SLC19A1: variants seen among roughly 807,000 people sequenced by gnomAD.
The protein encoded by SLC19A1 is reduced folate transporter.
Under a neutral mutation model 35.3 loss-of-function variants are expected in SLC19A1, and 37 were observed. The ratio of observed to expected loss-of-function variants is 1.05; its 90% CI spans 0.81 to 1.38. The LOEUF (loss-of-function observed/expected upper bound fraction) is 1.38, where lower values mean the gene tolerates loss of function less well. Ranked by LOEUF, SLC19A1 falls within the 40% of genes most tolerant of loss-of-function variation. SLC19A1 has a pLI of 0.00. For synonymous variants in SLC19A1, 460 were observed against 398.5 expected (o/e 1.15, Z -1.84); for missense variants, 831 against 826.9 (o/e 1.00, Z -0.06).
At chr21:45,555,699 A>G (rs2078554111) in intron 1 of SLC19A1, among the ~76,000 whole-genome samples, 1 of 151,788 alleles carries the variant, frequency 6.6e-6, no homozygotes. Context: ...AGGCCCTGGG[A>G]CCGTAGCCTC....
chr21:45,535,523 C>T (rs960731772), intron 2 of SLC19A1, among the ~76,000 whole-genome samples: 1 of 152,228 alleles, frequency 6.6e-6, no homozygotes, highest in Admixed American at 6.5e-5. Context: ...AAGGAAACCA[C>T]GCTCCTCACA....
rs918953812 is a variant in SLC19A1, at chr21:45,517,605, A to G, written c.1294-1465T>C. ...GCCTCACGGAGTCAGCAGAGACCAT[A>G]TGGGGAGCCTGGCCTCTTATCCTCA... On this transcript the variant is annotated intron_variant, in intron 5 of 5. Transcript: ENST00000311124. The surrounding 1 kb of genome is among the most constrained non-coding windows in gnomAD (Gnocchi z 4.4). Among the ~76,000 whole-genome samples, 24 of 151,974 alleles carry G rather than the reference A, an allele frequency of 1.6e-4. No individual in the cohort carries two copies. The highest frequency in any genetic ancestry group is 5.6e-4 in the African/African-American group (23 of 41,412).
At chr21:45,549,025 C>T (rs577505587), upstream of SLC19A1, among the ~76,000 whole-genome samples, 11 of 152,296 alleles carry the variant, frequency 7.2e-5, no homozygotes, top group South Asian at 2.3e-3. Context: ...ACCACAGTTC[C>T]ACTCCTAGGC....
intron 3 of SLC19A1, chr21:45,506,281 C>T (rs2037198340): frequency 5.0e-6 from 2 of 396,482 alleles, no homozygotes; most frequent in South Asian, 4.3e-5. Context: ...GACAAGGCGC[C>T]TGACGGGACG....
In SLC19A1 at chr21:45,513,013, G is replaced by A. The variant is rs2037700061; in HGVS notation, c.*2645C>T. 1 of 161,108 alleles carries A rather than the reference G, an allele frequency of 6.2e-6. No homozygotes were observed. Among genetic ancestry groups the A allele is most frequent in the Non-Finnish European group, 1.4e-5 (1 of 72,942 alleles). 10.0% of individuals were successfully genotyped at this position (161,108 alleles called of 1,614,324 possible). On this transcript the variant is annotated 3_prime_UTR_variant, in exon 6 of 6. Transcript: ENST00000311124. ...GCTGAAGCAGGTTCCCAAGCTCAGA[G>A]GCGCACTGTGACCCCCAGCTCCGGC...
At chr21:45,511,030 ATCCACAC>A, downstream of SLC19A1, 1 of 281,744 alleles carries the variant, frequency 3.5e-6, no homozygotes, top group Non-Finnish European at 6.9e-6. Flanking sequence ...CACACCCCAC[ATCCACAC>A]ACCCCCCCAC....
chr21:45,552,830 C>T lies in SLC19A1; in HGVS notation c.-50+9912G>A, dbSNP rs527828374. On this transcript the variant is annotated intron_variant, in intron 1 of 5. Coordinates refer to the SLC19A1 transcript ENST00000650808. ...GGTCCGCCCGTCCACCCTGTCCCTG[C>T]GTTTGTGCTGATAGGAGGACACTGC... Among the ~76,000 whole-genome samples the T allele has an allele frequency of 1.2e-3, 188 of 151,870 alleles. 1 individual carries two copies. Among genetic ancestry groups the T allele is most frequent in the Admixed American group, 2.2e-3 (34 of 15,250 alleles).
intron 3 of SLC19A1, chr21:45,504,135 A>G: frequency 6.7e-7 from 1 of 1,499,722 alleles, no homozygotes; most frequent in Non-Finnish European, 9.3e-7. Context: ...TTCTCGCCCC[A>G]TCCGGCCCAA....
intron 1 of SLC19A1, among the ~76,000 whole-genome samples, chr21:45,560,913 G>T (rs991575123): frequency 6.6e-6 from 1 of 152,336 alleles, no homozygotes; most frequent in South Asian, 2.1e-4. Context: ...CACGGCTGGC[G>T]GAGGGAATGC....
chr21:45,525,103 T>C (rs1473442264), intron 5 of SLC19A1, among the ~76,000 whole-genome samples: 3 of 152,016 alleles, frequency 2.0e-5, no homozygotes, highest in Non-Finnish European at 4.4e-5. Flanking sequence ...AGCTCTGGAG[T>C]CACTGAAGCT....
At chr21:45,543,262 C>G (rs1171415719), upstream of SLC19A1, among the ~76,000 whole-genome samples, 1 of 152,128 alleles carries the variant, frequency 6.6e-6, no homozygotes, top group Non-Finnish European at 1.5e-5. Flanking sequence ...GTGCAGGACA[C>G]GGGGAGAAGT....
At chr21:45,505,262 T>G (rs778364546) in intron 3 of SLC19A1, 1 of 1,607,738 alleles carries the variant, frequency 6.2e-7, no homozygotes, top group Non-Finnish European at 8.5e-7. Context: ...CTTCATTTCC[T>G]GGCCCTCACA....
chr21:45,559,425 T>G (rs1345893166), intron 1 of SLC19A1, among the ~76,000 whole-genome samples: 2 of 152,170 alleles, frequency 1.3e-5, no homozygotes, highest in African/African-American at 2.4e-5. Flanking sequence ...GAGTCCCCCA[T>G]GGGGACCAGC....
At chr21:45,532,984 G>A (rs899231040) in intron 2 of SLC19A1, among the ~76,000 whole-genome samples, 4 of 152,214 alleles carry the variant, frequency 2.6e-5, no homozygotes, top group African/African-American at 9.6e-5. Context: ...AAGAGAGGAA[G>A]TGGGGTAGGG....
At chr21:45,562,619 G>A (rs1292439633) in intron 1 of SLC19A1, among the ~76,000 whole-genome samples, 1 of 152,178 alleles carries the variant, frequency 6.6e-6, no homozygotes, top group South Asian at 2.1e-4. Flanking sequence ...TGCAGCACAG[G>A]GAAAAGGAAT....
At chr21:45,549,708 G>A (rs1296002317) in intron 1 of SLC19A1, among the ~76,000 whole-genome samples, 1 of 85,352 alleles carries the variant, frequency 1.2e-5, no homozygotes, top group African/African-American at 4.8e-5. Context: ...GAGGTGGTGG[G>A]TGGTGGGGAG....
intron 3 of SLC19A1, chr21:45,507,246 G>A (rs1444217431): frequency 2.4e-6 from 1 of 417,336 alleles, no homozygotes; most frequent in Non-Finnish European, 4.4e-6. Flanking sequence ...AGGGAGAGGT[G>A]GGTGCTGGGC....
Position 45,515,906 on chromosome 21 carries a change from C to G in SLC19A1, c.1528G>C (p.Ala510Pro), listed in dbSNP as rs763939171. 1.3e-6 allele frequency: 2 copies of G among 1,552,476 alleles called. No homozygotes were observed. Among genetic ancestry groups the G allele is most frequent in the African/African-American group, 1.4e-5 (1 of 73,378 alleles). Reference protein sequence around the residue: ...PPLSPEDSLGAVGPASLEQRQ... With the variant: ...PPLSPEDSLGPVGPASLEQRQ... ...TGCTCCAGGGAGGCTGGCCCCACAG[C>G]CCCCAGGCTGTCTTCTGGGGAAAGC... is the stretch of plus-strand genomic sequence containing the variant. Residue 510 changes from alanine (A) to proline (P), a missense_variant, in exon 6 of 6, where the codon GCT (alanine) becomes CCT (proline). Coordinates refer to ENST00000311124, the MANE Select transcript of SLC19A1 (RefSeq NM_194255.4).
At chr21:45,508,252 G>A (rs1568948457), downstream of SLC19A1, among the ~76,000 whole-genome samples, 1 of 150,282 alleles carries the variant, frequency 6.7e-6, no homozygotes, top group African/African-American at 2.5e-5. Flanking sequence ...TGAGTGGATG[G>A]TGGACAGGTG....
Sources: allele counts gnomAD v4.1 joint callset (sites outside exome capture counted in the v4.1 genomes callset), GRCh38; gene constraint gnomAD v4.1.1; non-coding constraint Gnocchi (gnomAD v3.1); transcripts MANE v1.5; gene names NCBI Gene and HGNC (gene_info 2026-07-23, HGNC 2026-07-21).